The following SH3KBP1 variants were observed in gnomAD, a reference collection of about 807,000 sequenced individuals.
SH3KBP1 encodes the protein SH3 domain-containing kinase-binding protein 1.
A neutral mutation model predicts 50.1 loss-of-function variants in SH3KBP1; 8 were observed. That is an observed-to-expected ratio of 0.16 (90% CI 0.09 to 0.29). SH3KBP1 has a LOEUF of 0.29. SH3KBP1 is among the 10% of genes least tolerant of loss of function. The probability of loss-of-function intolerance (pLI) is 1.00; values close to 1 mark genes in which losing one functional copy is unlikely to be tolerated. For synonymous variants in SH3KBP1, 227 were observed against 218.6 expected, an observed-to-expected ratio of 1.04 and a Z score of -0.34; for missense variants, 377 against 535.2, an observed-to-expected ratio of 0.70 and a Z score of 2.92.
intron 3 of SH3KBP1, among the ~76,000 whole-genome samples, chrX:19,709,699 G>A (rs1017332569): frequency 6.3e-5 from 7 of 111,795 alleles, no homozygotes; most frequent in African/African-American, 1.3e-4. Flanking sequence ...GCTGCTTTTC[G>A]AGGCCTCAAC....
At chrX:19,818,165 G>A (rs949923866) in intron 2 of SH3KBP1, among the ~76,000 whole-genome samples, 2 of 112,204 alleles carry the variant, frequency 1.8e-5, no homozygotes, top group African/African-American at 6.5e-5. Context: ...GTTCAGCAAT[G>A]CATAACTGTA....
Position 19,750,734 on chromosome X carries a change from T to C in SH3KBP1, c.163-4293A>G, listed in dbSNP as rs1281865709. Among the ~76,000 whole-genome samples the C allele has an allele frequency of 1.2e-4, 13 of 111,330 alleles. No individual in the cohort carries two copies. In the Admixed American group the frequency reaches 1.2e-3, roughly 11 times the overall value. ...AGGCTCTAAAAATAGGTGATGATGC[T>C]AGCAATGATACAACTGTACACTGGC... is the stretch of plus-strand genomic sequence containing the variant. On this transcript the variant is annotated intron_variant, in intron 2 of 17. Transcript: ENST00000397821.
chrX:19,670,424 A>G, intron 6 of SH3KBP1: 3 of 713,035 alleles, frequency 4.2e-6, no homozygotes, highest in Non-Finnish European at 5.0e-6. Flanking sequence ...CTAACCTGAA[A>G]AGCAAGCTGG....
intron 8 of SH3KBP1, among the ~76,000 whole-genome samples, chrX:19,617,015 C>T (rs2067637084): frequency 1.8e-5 from 2 of 112,093 alleles, no homozygotes; most frequent in Non-Finnish European, 3.8e-5. Context: ...TTCTGACACT[C>T]TTTCCTTGTG....
At chrX:19,872,833 TCACACACACA>T (rs774471891) in intron 1 of SH3KBP1, among the ~76,000 whole-genome samples, 3 of 96,498 alleles carry the variant, frequency 3.1e-5, no homozygotes, top group East Asian at 3.1e-4. Flanking sequence ...TCTCTCTCTC[TCACACACACA>T]CACACACACA....
At chrX:19,675,110 T>C (rs1395247870) in intron 6 of SH3KBP1, among the ~76,000 whole-genome samples, 1 of 110,342 alleles carries the variant, frequency 9.1e-6, no homozygotes, top group Admixed American at 9.7e-5. Flanking sequence ...AATAAATAAA[T>C]AGAAATAACC....
intron 2 of SH3KBP1, among the ~76,000 whole-genome samples, chrX:19,790,559 T>C (rs142229468): frequency 0.024 from 2,692 of 111,077 alleles, 90 homozygotes; most frequent in African/African-American, 0.083. Flanking sequence ...AAAATTTGAT[T>C]AGGGATACAT....
At chrX:19,828,727 T>G (rs189599828) in intron 2 of SH3KBP1, among the ~76,000 whole-genome samples, 340 of 111,305 alleles carry the variant, frequency 3.1e-3, no homozygotes, top group Non-Finnish European at 5.0e-3. Flanking sequence ...GAAGCTACAG[T>G]GAGCTATGAT....
At chrX:19,874,613 T>C (rs868734244) in intron 1 of SH3KBP1, among the ~76,000 whole-genome samples, 72 of 68,719 alleles carry the variant, frequency 1.0e-3, no homozygotes, top group African/African-American at 4.2e-3. Context: ...AGAGGAGGGG[T>C]GAGGAAGAGA....
intron 9 of SH3KBP1, among the ~76,000 whole-genome samples, chrX:19,604,350 C>T (rs774899222): frequency 5.4e-5 from 6 of 111,926 alleles, no homozygotes; most frequent in Admixed American, 1.9e-4. Context: ...ATCCACTAAG[C>T]ACTCTCCGAA....
chrX:19,778,230 A>C (rs1603234021), intron 2 of SH3KBP1, among the ~76,000 whole-genome samples: 1 of 110,253 alleles, frequency 9.1e-6, no homozygotes, highest in African/African-American at 3.3e-5. Context: ...CAGGAGTTCG[A>C]GACCAGCCTG....
chrX:19,608,149 G>T, intron 8 of SH3KBP1, 104 bp from the exon 9 acceptor site: 1 of 612,181 alleles, frequency 1.6e-6, no homozygotes, highest in Non-Finnish European at 2.5e-6. Context: ...GGAGGTCCGT[G>T]TTAATGAGGC....
intron 8 of SH3KBP1, among the ~76,000 whole-genome samples, chrX:19,629,220 G>T (rs2061524221): frequency 9.0e-6 from 1 of 110,520 alleles, no homozygotes; most frequent in Admixed American, 9.6e-5. Context: ...AAGCAGGAGG[G>T]GGATATACGG....
intron 12 of SH3KBP1, among the ~76,000 whole-genome samples, chrX:19,585,690 C>CCAGCAGCAG (rs760758680): frequency 1.3e-4 from 14 of 108,707 alleles, no homozygotes; most frequent in Admixed American, 2.0e-4. Flanking sequence ...ACCACCACTA[C>CCAGCAGCAG]CAGCAGCAGC....
chrX:19,873,286 A>ATG (rs1556422775), intron 1 of SH3KBP1, among the ~76,000 whole-genome samples: 1 of 91,850 alleles, frequency 1.1e-5, no homozygotes, highest in East Asian at 3.1e-4. Context: ...ATATATATAT[A>ATG]TATGTATATA....
intron 13 of SH3KBP1, among the ~76,000 whole-genome samples, chrX:19,554,257 TTA>T (rs1164777427): frequency 1.2e-5 from 1 of 83,484 alleles, no homozygotes; most frequent in Non-Finnish European, 2.1e-5. Flanking sequence ...TTAAAATATA[TTA>T]TATATATTAA....
At chrX:19,847,684 A>T (rs1012085284) in intron 1 of SH3KBP1, among the ~76,000 whole-genome samples, 3 of 112,301 alleles carry the variant, frequency 2.7e-5, no homozygotes, top group African/African-American at 9.7e-5. Context: ...TTCACCAATG[A>T]TGTCACATAG....
chrX:19,751,194 G>A (rs2065055435), intron 2 of SH3KBP1, among the ~76,000 whole-genome samples: 1 of 112,202 alleles, frequency 8.9e-6, no homozygotes, highest in Non-Finnish European at 1.9e-5. Context: ...GCTCCTTCCT[G>A]CAGAGGAGGG....
chrX:19,628,524 T>C lies in SH3KBP1; in HGVS notation c.897+3340A>G, dbSNP rs190011723. Among the ~76,000 whole-genome samples the C allele has an allele frequency of 2.5e-4, 28 of 111,401 alleles. No individual in the cohort carries two copies. In the East Asian group the frequency reaches 7.1e-3, roughly 28 times the overall value. ...ACCCTGGTTCTGGGAGCTGGTAGCC[T>C]ACATGGCACTTGTCATCTGAACACA... On this transcript the variant is annotated intron_variant, in intron 8 of 17. Coordinates refer to ENST00000397821, the MANE Select transcript of SH3KBP1 (RefSeq NM_031892.3).
Sources: allele counts gnomAD v4.1 joint callset (sites outside exome capture counted in the v4.1 genomes callset), GRCh38; gene constraint gnomAD v4.1.1; transcripts MANE v1.5; gene names NCBI Gene and HGNC (gene_info 2026-07-23, HGNC 2026-07-21).